Variants in UBE2W observed in about 807,000 individuals in gnomAD.
UBE2W encodes the protein ubiquitin conjugating enzyme E2 W, also known as ubiquitin-conjugating enzyme E2 W.
In UBE2W, 18 loss-of-function variants were observed where a neutral mutation model predicts 27.2. That is an observed-to-expected ratio of 0.66 (90% CI 0.46 to 0.98). UBE2W has a LOEUF of 0.98. Among genes scored for constraint, UBE2W ranks in the 50% least tolerant of loss-of-function variants. The probability of loss-of-function intolerance (pLI) is 0.00; values close to 1 mark genes in which losing one functional copy is unlikely to be tolerated. For synonymous variants in UBE2W, 53 were observed against 57.2 expected (o/e 0.93, Z 0.33); for missense variants, 90 against 180.2 (o/e 0.50, Z 2.87).
chr8:73,842,516 G>A (rs539670088), intron 1 of UBE2W, among the ~76,000 whole-genome samples: 1,223 of 107,016 alleles, frequency 0.011, 21 homozygotes, highest in African/African-American at 0.045. Context: ...GCGACAGAGG[G>A]AGACTCCGTC....
chr8:73,872,863 A>C (rs982997535), intron 1 of UBE2W, among the ~76,000 whole-genome samples: 4 of 151,512 alleles, frequency 2.6e-5, no homozygotes, highest in African/African-American at 9.7e-5. Context: ...TTATAATTGT[A>C]AATTTTTACT....
At chr8:73,847,531 G>A (rs1372883420) in intron 1 of UBE2W, among the ~76,000 whole-genome samples, 1 of 152,070 alleles carries the variant, frequency 6.6e-6, no homozygotes, top group African/African-American at 2.4e-5. Flanking sequence ...CAGGTACAAG[G>A]AGGATGTTTG....
intron 1 of UBE2W, among the ~76,000 whole-genome samples, chr8:73,869,605 T>C (rs113128866): frequency 0.11 from 17,466 of 151,990 alleles, 3,224 homozygotes; most frequent in African/African-American, 0.39. Context: ...GCAGAAGAAT[T>C]GCTTGAACCT....
chr8:73,877,202 T>C (rs922103016), intron 1 of UBE2W, among the ~76,000 whole-genome samples: 6 of 152,242 alleles, frequency 3.9e-5, no homozygotes, highest in African/African-American at 1.2e-4. Flanking sequence ...TTAACACAGA[T>C]AAAAATCTTT....
chr8:73,839,193 G>A (rs1004489067), intron 1 of UBE2W, among the ~76,000 whole-genome samples: 1 of 151,986 alleles, frequency 6.6e-6, no homozygotes, highest in African/African-American at 2.4e-5. Context: ...CTATTTCAGA[G>A]AGCTGCGATG....
intron 1 of UBE2W, among the ~76,000 whole-genome samples, chr8:73,870,581 A>T (rs1358271001): frequency 2.0e-5 from 3 of 152,180 alleles, no homozygotes; most frequent in Non-Finnish European, 4.4e-5. Flanking sequence ...ACCCAAGGTT[A>T]TCTGATTCCA....
intron 1 of UBE2W, among the ~76,000 whole-genome samples, chr8:73,861,241 G>C (rs1586538113): frequency 6.6e-6 from 1 of 152,096 alleles, no homozygotes; most frequent in Non-Finnish European, 1.5e-5. Context: ...TATCCATAAG[G>C]ACAAGAGAGA....
At chr8:73,825,399 T>C in intron 2 of UBE2W, 150 bp from the exon 3 acceptor site, 1 of 560,942 alleles carries the variant, frequency 1.8e-6, no homozygotes, top group Non-Finnish European at 3.2e-6. Flanking sequence ...AATAACTCTC[T>C]TACTGTTAAT....
chr8:73,859,244 G>A (rs1038872994), intron 1 of UBE2W, among the ~76,000 whole-genome samples: 1 of 152,138 alleles, frequency 6.6e-6, no homozygotes, highest in Non-Finnish European at 1.5e-5. Flanking sequence ...GGTGGCTCAC[G>A]CCTGTAATCC....
At chr8:73,813,169 G>C (rs548372452) in intron 3 of UBE2W, among the ~76,000 whole-genome samples, 1 of 125,862 alleles carries the variant, frequency 7.9e-6, no homozygotes, top group African/African-American at 2.9e-5. Flanking sequence ...AAAGAAAATA[G>C]CAACACGAAG....
chr8:73,792,742 T>C lies in UBE2W; in HGVS notation c.*1360A>G. On this transcript the variant is annotated 3_prime_UTR_variant, in exon 6 of 6. Coordinates refer to ENST00000602593, the MANE Select transcript of UBE2W (RefSeq NM_018299.6). The stretch of plus-strand genomic sequence containing the variant: ...TAATCACTTTTTAAAAAGAACTTAG[T>C]TGTAGTATCATTAACTCACATGGTA... 1.0e-6 allele frequency: 1 copy of C among 985,382 alleles called. No homozygotes were observed. 61.0% of individuals were successfully genotyped at this position (985,382 alleles called of 1,614,324 possible).
intron 4 of UBE2W, among the ~76,000 whole-genome samples, chr8:73,808,665 T>A (rs967504273): frequency 6.6e-6 from 1 of 152,218 alleles, no homozygotes; most frequent in African/African-American, 2.4e-5. Flanking sequence ...ACTAGGTACC[T>A]AGTAAATGTT....
At chr8:73,802,091 G>C (rs1351223224) in intron 5 of UBE2W, among the ~76,000 whole-genome samples, 1 of 152,188 alleles carries the variant, frequency 6.6e-6, no homozygotes, top group Non-Finnish European at 1.5e-5. Context: ...AACTTTTCTT[G>C]TGTTAAGGAT....
At chr8:73,811,954 T>C (rs1336799984) in intron 3 of UBE2W, among the ~76,000 whole-genome samples, 2 of 152,104 alleles carry the variant, frequency 1.3e-5, no homozygotes, top group East Asian at 1.9e-4. Context: ...CTAAGTTTTA[T>C]ATATATTTTA....
At chr8:73,835,754 A>G (rs965332952) in intron 1 of UBE2W, among the ~76,000 whole-genome samples, 1 of 152,170 alleles carries the variant, frequency 6.6e-6, no homozygotes, top group Non-Finnish European at 1.5e-5. Flanking sequence ...AAAAACAACA[A>G]AACAAAACAA....
At chr8:73,804,697 AAAC>A (rs1242239404) in intron 5 of UBE2W, among the ~76,000 whole-genome samples, 3 of 152,036 alleles carry the variant, frequency 2.0e-5, no homozygotes, top group Non-Finnish European at 4.4e-5. Flanking sequence ...CTTCTATTTC[AAAC>A]AACAGACTTC....
chr8:73,800,604 GA>G (rs1808596628), intron 5 of UBE2W, among the ~76,000 whole-genome samples: 1 of 152,064 alleles, frequency 6.6e-6, no homozygotes. Flanking sequence ...CTGTTTATTG[GA>G]AAAACTAATT....
Position 73,786,384 on chromosome 8 carries a change from T to C in UBE2W, c.*7718A>G. On this transcript the variant is annotated 3_prime_UTR_variant, in exon 6 of 6. Coordinates refer to ENST00000602593, the MANE Select transcript of UBE2W (RefSeq NM_018299.6). The stretch of plus-strand genomic sequence containing the variant: ...GAAAGCTAGGATAAAAATACAAGCA[T>C]AACCAAGTTAATTCAATACACACTT... The C allele has an allele frequency of 2.0e-6, 2 of 985,442 alleles. No individual in the cohort carries two copies. Among genetic ancestry groups the C allele is most frequent in the Non-Finnish European group, 2.4e-6 (2 of 829,930 alleles). The allele number at this position is 985,442 out of a possible 1,614,324, so 61.0% of individuals were successfully genotyped here. A position where few individuals can be genotyped will look rare whatever the true frequency, so the allele number is the denominator to read the frequency against.
At chr8:73,864,523 T>C (rs1419628301) in intron 1 of UBE2W, among the ~76,000 whole-genome samples, 3 of 152,162 alleles carry the variant, frequency 2.0e-5, no homozygotes, top group Non-Finnish European at 2.9e-5. Flanking sequence ...TGCCAGCCTC[T>C]GGTCACATTA....
Sources: gnomAD v4.1 joint callset for allele counts (sites outside exome capture counted in the v4.1 genomes callset) on GRCh38, gnomAD v4.1.1 for gene constraint, MANE v1.5 for transcripts, NCBI Gene and HGNC (gene_info 2026-07-23, HGNC 2026-07-21) for gene names.